MYPN: variants seen among roughly 807,000 people sequenced by gnomAD.
MYPN encodes the protein sarcomeric protein myopalladin, 145 kDa (MYOP).
Under a neutral mutation model 129.4 loss-of-function variants are expected in MYPN, and 63 were observed. The observed-to-expected ratio is 0.49, with a 90% CI of 0.40 to 0.60. The LOEUF is 0.60. MYPN is among the 20% of genes least tolerant of loss of function. The probability of loss-of-function intolerance (pLI) is 0.00; values close to 1 mark genes in which losing one functional copy is unlikely to be tolerated. For synonymous variants in MYPN, 629 were observed against 600.9 expected, an observed-to-expected ratio of 1.05 and a Z score of -0.68; for missense variants, 1,596 against 1,635.4, an observed-to-expected ratio of 0.98 and a Z score of 0.42.
chr10:68,130,520 T>C (rs943452034), intron 2 of MYPN, among the ~76,000 whole-genome samples: 1 of 152,106 alleles, frequency 6.6e-6, no homozygotes, highest in African/African-American at 2.4e-5. Flanking sequence ...ACTAGTCATA[T>C]AACACGTTAT....
At chr10:68,110,123 A>G (rs1391679479) in intron 1 of MYPN, among the ~76,000 whole-genome samples, 1 of 152,226 alleles carries the variant, frequency 6.6e-6, no homozygotes, top group African/African-American at 2.4e-5. Flanking sequence ...AAAGACTTTC[A>G]TTTTAAATTT....
At chr10:68,096,931 T>A (rs2133940527) in intron 1 of MYPN, among the ~76,000 whole-genome samples, 1 of 152,352 alleles carries the variant, frequency 6.6e-6, no homozygotes, top group Non-Finnish European at 1.5e-5. Flanking sequence ...AATTATTATT[T>A]TCCTATCACA....
rs182989109 is a variant in MYPN at position 68,163,816 on chromosome 10, G to C, written c.1484-1886G>C. Among the ~76,000 whole-genome samples the C allele has an allele frequency of 7.2e-5, 11 of 152,208 alleles. No homozygotes were observed. The East Asian group carries it at 1.7e-3, about 24-fold the overall frequency. ...GACAAAGGAAGTGGGTCAAAGTGCA[G>C]CCTGATTAATGCTTAACTATATTTC... is the stretch of plus-strand genomic sequence containing the variant. On this transcript the variant is annotated intron_variant, in intron 8 of 19. Coordinates refer to ENST00000358913, the MANE Select transcript of MYPN (RefSeq NM_032578.4).
rs2043191905 is a variant in MYPN at position 68,174,341 on chromosome 10, C to T, written c.2249C>T (p.Thr750Ile). Residue 750 changes from threonine to isoleucine, a missense_variant, in exon 11 of 20, where the codon ACT becomes ATT. By Grantham distance (89) the Thr-to-Ile change is moderately conservative. Transcript: ENST00000358913. ...SSSPVFTLSSTPQTIQRTVSK... is the reference protein window; with the variant it reads ...SSSPVFTLSSIPQTIQRTVSK... ...TCTCCGGTGTTCACTTTGAGCAGCACTCCTCAAACTATTCAGAGGACAGTG... is the reference window on the plus strand; with the variant it reads ...TCTCCGGTGTTCACTTTGAGCAGCATTCCTCAAACTATTCAGAGGACAGTG... 1.2e-6 allele frequency: 2 copies of T among 1,614,144 alleles called. No individual in the cohort carries two copies. Among genetic ancestry groups the T allele is most frequent in the Non-Finnish European group, 1.7e-6 (2 of 1,180,040 alleles).
chr10:68,161,123 C>A (rs1353443168), intron 7 of MYPN, among the ~76,000 whole-genome samples: 1 of 152,178 alleles, frequency 6.6e-6, no homozygotes, highest in Non-Finnish European at 1.5e-5. Context: ...ATATAACTAA[C>A]TCACAAACCT....
chr10:68,120,048 G>A (rs80143495), intron 1 of MYPN, among the ~76,000 whole-genome samples: 2,769 of 152,302 alleles, frequency 0.018, 100 homozygotes, highest in African/African-American at 0.063. Flanking sequence ...ATATTTAGAA[G>A]ATTACTTTTT....
chr10:68,134,962 AT>A lies in MYPN; in HGVS notation c.903-7970del, dbSNP rs201171821. Reference sequence around the variant, plus strand: ...TTATTTTATTTTATTTTATTTTATTATTTTTTTTGAAACAGGTCTCACTCCT... The same window carrying A: ...TTATTTTATTTTATTTTATTTTATTATTTTTTTGAAACAGGTCTCACTCCT... On this transcript the variant is annotated intron_variant, in intron 2 of 19. Transcript: ENST00000358913. Among the ~76,000 whole-genome samples the A allele has an allele frequency of 2.7e-4, 41 of 151,402 alleles. 1 individual carries two copies. The highest frequency in any genetic ancestry group is 7.7e-4 in the African/African-American group (32 of 41,312).
At chr10:68,203,454 T>C (rs1397348519) in intron 18 of MYPN, among the ~76,000 whole-genome samples, 1 of 150,536 alleles carries the variant, frequency 6.6e-6, no homozygotes, top group Non-Finnish European at 1.5e-5. Flanking sequence ...CTAGGCATGG[T>C]GGCACACACC....
chr10:68,088,279 G>T (rs879873344), intron 1 of MYPN, among the ~76,000 whole-genome samples: 1 of 152,242 alleles, frequency 6.6e-6, no homozygotes, highest in South Asian at 2.1e-4. Context: ...TTAAAGCCAT[G>T]TGGGAAAAGG....
chr10:68,175,223 C>T (rs935008752), intron 11 of MYPN, 100 bp from the exon 12 acceptor site: 29 of 1,283,916 alleles, frequency 2.3e-5, no homozygotes, highest in East Asian at 1.9e-4. Context: ...GCCTAATGAC[C>T]GCTGGTTTCT....
intron 19 of MYPN, 68 bp from the exon 20 acceptor site, chr10:68,210,218 C>A: frequency 6.4e-7 from 1 of 1,561,884 alleles, no homozygotes; most frequent in Non-Finnish European, 8.8e-7. Context: ...GGACAGAATG[C>A]ACCTCTGCAG....
At position 68,206,635 on chromosome 10, in the gene MYPN, T is replaced by G. The variant is rs3814185; in HGVS notation, c.3660-135T>G. On this transcript the variant is annotated intron_variant, in intron 18 of 19. Coordinates refer to ENST00000358913, the MANE Select transcript of MYPN (RefSeq NM_032578.4). The stretch of plus-strand genomic sequence containing the variant: ...TGATTAAGCTCACTGCTGCTCTTCT[T>G]TGACGTCTTCCACCTTCAAATTTGT... 1 allele frequency: 1,193,682 copies of G among 1,198,272 alleles called. 594,683 individuals are homozygous for G. The highest frequency in any genetic ancestry group is 1 in the Non-Finnish European group (807,816 of 807,912). The allele number at this position is 1,198,272 out of a possible 1,614,324, so 74.2% of individuals were successfully genotyped here.
At chr10:68,135,916 G>T (rs910356646) in intron 2 of MYPN, among the ~76,000 whole-genome samples, 1 of 152,090 alleles carries the variant, frequency 6.6e-6, no homozygotes, top group African/African-American at 2.4e-5. Context: ...AAAGAACAGG[G>T]TGTTAGGAGA....
chr10:68,092,781 T>C (rs2041936978), intron 1 of MYPN, among the ~76,000 whole-genome samples: 1 of 152,234 alleles, frequency 6.6e-6, no homozygotes, highest in Admixed American at 6.5e-5. Context: ...TTCATTCTTA[T>C]ACTCATTGTA....
At chr10:68,201,204 T>C (rs2043703724) in intron 17 of MYPN, among the ~76,000 whole-genome samples, 1 of 152,188 alleles carries the variant, frequency 6.6e-6, no homozygotes, top group African/African-American at 2.4e-5. Flanking sequence ...AGAAATTCCT[T>C]TAATTCCACC....
intron 2 of MYPN, chr10:68,136,469 C>T (rs1403545033): frequency 2.7e-6 from 3 of 1,122,272 alleles, no homozygotes; most frequent in Non-Finnish European, 2.3e-6. Context: ...ATGGTTCCCC[C>T]TGACCCTCAA....
At chr10:68,094,211 G>A (rs2041944658) in intron 1 of MYPN, among the ~76,000 whole-genome samples, 1 of 151,804 alleles carries the variant, frequency 6.6e-6, no homozygotes, top group Non-Finnish European at 1.5e-5. Context: ...GACTAAGAAT[G>A]CCTAATCTGC....
In MYPN at chr10:68,097,870, C is replaced by G. The variant is rs189001698; in HGVS notation, c.-2+9878C>G. On this transcript the variant is annotated intron_variant, in intron 1 of 6. Transcript: ENST00000685154. ...ATCTTTCAGTACTAGTTTTTAAGTA[C>G]TATTTGTTTTCAAAAGAGGTGATGT... Among the ~76,000 whole-genome samples the G allele has an allele frequency of 2.0e-5, 3 of 151,950 alleles. No individual in the cohort carries two copies. In the East Asian group the frequency reaches 5.8e-4, roughly 29 times the overall value.
chr10:68,163,102 C>T (rs1259455049), intron 8 of MYPN, among the ~76,000 whole-genome samples: 1 of 152,122 alleles, frequency 6.6e-6, no homozygotes, highest in Non-Finnish European at 1.5e-5. Context: ...AAAGACCAGC[C>T]TAGGCAATAT....
Sources: gnomAD v4.1 joint callset for allele counts (sites outside exome capture counted in the v4.1 genomes callset) on GRCh38, gnomAD v4.1.1 for gene constraint, MANE v1.5 for transcripts, NCBI Gene and HGNC (gene_info 2026-07-23, HGNC 2026-07-21) for gene names.